CDHR1: variants seen among roughly 807,000 people sequenced by gnomAD.
CDHR1 encodes the protein cadherin-related family member 1.
Under a neutral mutation model 72.1 loss-of-function variants are expected in CDHR1, and 61 were observed. The ratio of observed to expected loss-of-function variants is 0.85; its 90% CI spans 0.69 to 1.05. The LOEUF (loss-of-function observed/expected upper bound fraction) is 1.05. Ranked by LOEUF, CDHR1 falls within the 50% of genes least tolerant of loss-of-function variation. The pLI is 0.00. For missense variants in CDHR1, 1,186 were observed against 1,115.7 expected (o/e 1.06, Z -0.90); for synonymous variants, 470 against 448.1 (o/e 1.05, Z -0.62).
In CDHR1 at chr10:84,212,362, C is replaced by T. The variant is rs200215278; in HGVS notation, c.1737C>T (p.Ser579=). 1.1e-5 allele frequency: 17 copies of T among 1,614,156 alleles called. No individual in the cohort carries two copies. Among genetic ancestry groups the T allele is most frequent in the African/African-American group, 4.0e-5 (3 of 75,018 alleles). Residue 579 remains serine, a synonymous_variant, in exon 15 of 17, where the codon AGC becomes AGT. Transcript: ENST00000623527. ...ACCACCCCCCTCAGTTTGGAAAGAG[C>T]GTTCAGAAGAAGACGATGGTGCTAG... ...VNDHPPQFGK[S]VQKKTMVLGT...
Position 84,214,416 on chromosome 10 carries a change from C to T in CDHR1, c.2375C>T (p.Pro792Leu), listed in dbSNP as rs753211525. Residue 792 changes from proline (P) to leucine (L), a missense_variant, in exon 17 of 17, where the codon CCG (proline) becomes CTG (leucine). Pro to Leu is a moderately conservative substitution (Grantham distance 98). Transcript: ENST00000623527. ...GAAAGCTCTCTGCTCCCGAGAGCTC[C>T]GGCTCTCCCTCCACCACCCAGCGTG... ...SPESSLLPRA[P>L]ALPPPPSVAP... 9.9e-6 allele frequency: 16 copies of T among 1,613,530 alleles called. No individual in the cohort carries two copies. Among genetic ancestry groups the T allele is most frequent in the African/African-American group, 6.7e-5 (5 of 74,932 alleles).
rs1202466043 is a variant in CDHR1 at position 84,214,190 on chromosome 10, G to C, written c.2149G>C (p.Val717Leu). 4 of 1,614,144 alleles carry C rather than the reference G, an allele frequency of 2.5e-6. No individual in the cohort carries two copies. The highest frequency in any genetic ancestry group is 3.4e-6 in the Non-Finnish European group (4 of 1,180,038). Residue 717 changes from valine to leucine, a missense_variant, in exon 17 of 17, where the codon GTC becomes CTC. Transcript: ENST00000623527. ...CATGGCCACCGTCGTGGCCATCACT[G>C]TCCTCATCTCCACCGCCACCTTCTG... ...GTMATVVAIT[V>L]LISTATFWRN...
At chr10:84,211,279 T>A in intron 13 of CDHR1, 114 bp downstream of exon 13, 1 of 1,116,432 alleles carries the variant, frequency 9.0e-7, no homozygotes, top group South Asian at 1.4e-5. Context: ...TAGCTGTCCT[T>A]GGACAAGCTA....
At position 84,214,152 on chromosome 10, in the gene CDHR1, T is replaced by C; in HGVS notation, c.2111T>C (p.Val704Ala). Residue 704 changes from valine (V) to alanine (A), a missense_variant, in exon 17 of 17, where the codon GTG becomes GCG. By Grantham distance (64) the Val-to-Ala change is moderately conservative. Coordinates refer to ENST00000623527, the MANE Select transcript of CDHR1 (RefSeq NM_033100.4). ...GACAACCCCATGAAGGCCGTGGGTG[T>C]GCTGGCCGGCACCATGGCCACCGTC... ...TKDNPMKAVG[V>A]LAGTMATVVA... is the part of the protein sequence containing the mutation. 6.2e-7 allele frequency: 1 copy of C among 1,614,168 alleles called. No homozygotes were observed. The highest frequency in any genetic ancestry group is 8.5e-7 in the Non-Finnish European group (1 of 1,180,028).
rs184437421 is a variant in CDHR1 at position 84,199,119 on chromosome 10, G to A, written c.436G>A (p.Glu146Lys). ...GGAGCCTTATGTTGCCCTGGTTCCC[G>A]AGGTAAGTGAGGAGCTGCTAGAGGG... ...IQEPYVALVP[E>K]DIPAGSIIFK... is the part of the protein sequence containing the mutation. Residue 146 changes from glutamate to lysine, a missense_variant and splice_region_variant, in exon 5 of 17, where the codon GAG becomes AAG. Glu to Lys is a moderately conservative substitution (Grantham distance 56). Coordinates refer to ENST00000623527, the MANE Select transcript of CDHR1 (RefSeq NM_033100.4). 7.1e-6 allele frequency: 11 copies of A among 1,550,746 alleles called. No homozygotes were observed. Among genetic ancestry groups the A allele is most frequent in the African/African-American group, 4.1e-5 (3 of 73,108 alleles).
At chr10:84,211,257 AC>A in intron 13 of CDHR1, 92 bp downstream of exon 13, 1 of 1,345,006 alleles carries the variant, frequency 7.4e-7, no homozygotes, top group Non-Finnish European at 1.1e-6. Context: ...GAGTGGCAGA[AC>A]CCACACTCAT....
At chr10:84,206,030 AG>A (rs1158918344) in intron 10 of CDHR1, 103 bp downstream of exon 10, 4 of 829,254 alleles carry the variant, frequency 4.8e-6, no homozygotes, top group Non-Finnish European at 8.1e-6. Flanking sequence ...TAGTCTGGGG[AG>A]GGGGCTAGAT....
chr10:84,206,773 A>C (rs1453297258), intron 10 of CDHR1, among the ~76,000 whole-genome samples: 1 of 152,240 alleles, frequency 6.6e-6, no homozygotes, highest in Admixed American at 6.5e-5. Context: ...TTCTGGTACC[A>C]GTCCCAGCCA....
At position 84,196,569 on chromosome 10, in the gene CDHR1, C is replaced by T. The variant is rs373438739; in HGVS notation, c.216C>T (p.Ser72=). The T allele has an allele frequency of 3.3e-5, 53 of 1,614,126 alleles. No individual in the cohort carries two copies. The African/African-American group carries it at 5.2e-4, about 16-fold the overall frequency. ...GAGACCCCATCTCCTACCACATCAG[C>T]TTTGACCCCAGCACTAGAAGCGTCT... is the stretch of plus-strand genomic sequence containing the variant. ...PEGDPISYHI[S]FDPSTRSVFS... is the part of the protein sequence containing the mutation. Residue 72 remains serine, a synonymous_variant, in exon 3 of 17, where the codon AGC becomes AGT. Transcript: ENST00000623527.
rs1339328960 is a variant in CDHR1, at chr10:84,199,096, A to T, written c.413A>T (p.Glu138Val). The T allele has an allele frequency of 6.4e-7, 1 of 1,551,196 alleles. No individual in the cohort carries two copies. Among genetic ancestry groups the T allele is most frequent in the Admixed American group, 2.0e-5 (1 of 50,984 alleles). Residue 138 changes from glutamate to valine, a missense_variant, in exon 5 of 17, where the codon GAG (glutamate) becomes GTG (valine). Physicochemically the swap from Glu to Val is moderately radical, Grantham distance 121. Coordinates refer to ENST00000623527, the MANE Select transcript of CDHR1 (RefSeq NM_033100.4). Reference sequence around the variant, plus strand: ...GATGAGGCGCCCAGGTTCATCCAGGAGCCTTATGTTGCCCTGGTTCCCGAG... The same window carrying T: ...GATGAGGCGCCCAGGTTCATCCAGGTGCCTTATGTTGCCCTGGTTCCCGAG... ...ANDEAPRFIQ[E>V]PYVALVPEDI... is the part of the protein sequence containing the mutation.
intron 6 of CDHR1, 21 bp from the exon 7 acceptor site, chr10:84,201,786 G>A (rs1329370447): frequency 6.3e-7 from 1 of 1,598,112 alleles, no homozygotes. Context: ...CTGAGGTCCA[G>A]CTGCCCCCTA....
In CDHR1 at chr10:84,198,922, G is replaced by C. The variant is rs560181204; in HGVS notation, c.349-110G>C. 1.7e-5 allele frequency: 14 copies of C among 809,772 alleles called. No individual in the cohort carries two copies. In the East Asian group the frequency reaches 3.5e-4, roughly 20 times the overall value. 50.2% of individuals were successfully genotyped at this position (809,772 alleles called of 1,614,324 possible). A position where few individuals can be genotyped will look rare whatever the true frequency, so the allele number is the denominator to read the frequency against. ...GAAGGAAGAGAGAGAGAGAGAGAGA[G>C]AGAGGAGGGATGGGCAGAGACGTGT... On this transcript the variant is annotated intron_variant, in intron 4 of 16. Transcript: ENST00000623527.
chr10:84,200,296 T>C (rs942589707), intron 5 of CDHR1, among the ~76,000 whole-genome samples: 1 of 152,262 alleles, frequency 6.6e-6, no homozygotes, highest in African/African-American at 2.4e-5. Context: ...CTCCTCCTTT[T>C]TGAATTGCTG....
chr10:84,212,287 A>G lies in CDHR1; in HGVS notation c.1662A>G (p.Glu554=), dbSNP rs10749482. Residue 554 remains glutamate (E), a synonymous_variant, in exon 15 of 17, where the codon GAA becomes GAG. Coordinates refer to ENST00000623527, the MANE Select transcript of CDHR1 (RefSeq NM_033100.4). ...TCTATGTGAAGGCAGAGGACATGGA[A>G]GGCAAGTACAGCGTAGCTGAGGTGT... ...YNFYVKAEDM[E]GKYSVAEVFI... is the part of the protein sequence containing the mutation. 516,234 of 1,613,930 alleles carry G rather than the reference A, an allele frequency of 0.32. 89,838 individuals are homozygous for G. Among genetic ancestry groups the G allele is most frequent in the African/African-American group, 0.69 (51,729 of 74,964 alleles).
chr10:84,194,762 TGAG>T lies in CDHR1; in HGVS notation c.4_6del (p.Arg3?). Reference sequence around the variant, plus strand: ...GCGACACTCCGCGCCGGCGGAGACATGAGGCGCTGCCGGTGGGCCGCCCTGGCC... The same window carrying T: ...GCGACACTCCGCGCCGGCGGAGACATGCGCTGCCGGTGGGCCGCCCTGGCC... On this transcript the variant is annotated start_lost and inframe_deletion, in exon 1 of 17. Transcript: ENST00000623527. The T allele has an allele frequency of 6.6e-7, 1 of 1,519,658 alleles. No individual in the cohort carries two copies. Among genetic ancestry groups the T allele is most frequent in the East Asian group, 2.5e-5 (1 of 39,380 alleles). The allele number at this position is 1,519,658 out of a possible 1,614,324, so 94.1% of individuals were successfully genotyped here.
chr10:84,217,080 A>C lies in CDHR1; in HGVS notation c.*2459A>C. The C allele has an allele frequency of 3.0e-6, 3 of 985,728 alleles. No homozygotes were observed. Among genetic ancestry groups the C allele is most frequent in the Non-Finnish European group, 3.6e-6 (3 of 830,190 alleles). The allele number at this position is 985,728 out of a possible 1,614,324, so 61.1% of individuals were successfully genotyped here. The stretch of plus-strand genomic sequence containing the variant: ...GGTAGCCAGCATGAGCCACACTAGG[A>C]AAGAGGAGGAGGGTGCAGCCAAACT... On this transcript the variant is annotated 3_prime_UTR_variant, in exon 17 of 17. Transcript: ENST00000623527.
intron 5 of CDHR1, 128 bp downstream of exon 5, chr10:84,199,249 C>T: frequency 1.3e-6 from 1 of 743,880 alleles, no homozygotes; most frequent in Middle Eastern, 3.6e-4. Flanking sequence ...CCTGCTCCCT[C>T]CAACATTCGC....
chr10:84,218,925 G>A (rs534204411), downstream of CDHR1, among the ~76,000 whole-genome samples: 13 of 152,124 alleles, frequency 8.5e-5, no homozygotes, highest in Admixed American at 3.3e-4. Context: ...CATTTACTGA[G>A]GGTTTACTAT....
chr10:84,196,606 C>T lies in CDHR1; in HGVS notation c.253C>T (p.Pro85Ser). 1.2e-6 allele frequency: 2 copies of T among 1,614,188 alleles called. No individual in the cohort carries two copies. The highest frequency in any genetic ancestry group is 2.2e-5 in the South Asian group (2 of 91,078). ...CACTAGAAGCGTCTTTTCTGTTGAC[C>T]CCACTTTTGGAAACATCACCCTGGT... The part of the protein sequence containing the change: ...PSTRSVFSVD[P>S]TFGNITLVEE... Residue 85 changes from proline (P) to serine (S), a missense_variant, in exon 3 of 17, where the codon CCC (proline) becomes TCC (serine). Pro to Ser is a moderately conservative substitution (Grantham distance 74). Coordinates refer to ENST00000623527, the MANE Select transcript of CDHR1 (RefSeq NM_033100.4).
Sources: gnomAD v4.1 joint callset for allele counts (sites outside exome capture counted in the v4.1 genomes callset) on GRCh38, gnomAD v4.1.1 for gene constraint, MANE v1.5 for transcripts, NCBI Gene and HGNC (gene_info 2026-07-23, HGNC 2026-07-21) for gene names.